TRIM49: variants seen among roughly 807,000 people sequenced by gnomAD.
TRIM49 encodes tripartite motif containing 49.
A neutral mutation model predicts 27.4 loss-of-function variants in TRIM49; 5 were observed. That is an observed-to-expected ratio of 0.18 (90% CI 0.10 to 0.38). TRIM49 has a LOEUF of 0.38. Among genes scored for constraint, TRIM49 ranks in the 10% least tolerant of loss-of-function variants. The probability of loss-of-function intolerance (pLI) is 1.00; values close to 1 mark genes in which losing one functional copy is unlikely to be tolerated. For synonymous variants in TRIM49, 69 were observed against 166.0 expected, an observed-to-expected ratio of 0.42 and a Z score of 4.49; for missense variants, 188 against 487.5, an observed-to-expected ratio of 0.39 and a Z score of 5.79.
chr11:89,803,090 TCTC>T (rs1256491414), intron 4 of TRIM49, among the ~76,000 whole-genome samples: 3 of 149,968 alleles, frequency 2.0e-5, no homozygotes, highest in Non-Finnish European at 4.4e-5. Flanking sequence ...TCCTCAGAGT[TCTC>T]CTTATGTTTA....
At chr11:89,773,005 A>C in the TRIM49 span, among the ~76,000 whole-genome samples, 3 of 135,984 alleles carry the variant, frequency 2.2e-5, 1 homozygote, top group African/African-American at 1.0e-4. Context: ...AGCCTGGCCA[A>C]CTCAGTGAAA....
the TRIM49 span, among the ~76,000 whole-genome samples, chr11:89,785,717 A>T: frequency 6.9e-6 from 1 of 144,914 alleles, no homozygotes; most frequent in Non-Finnish European, 1.5e-5. Context: ...AAAAAGAGTA[A>T]AGTTGAAAAT....
At chr11:89,806,536 T>C (rs1198948922) in intron 2 of TRIM49, among the ~76,000 whole-genome samples, 2 of 150,328 alleles carry the variant, frequency 1.3e-5, no homozygotes, top group Admixed American at 1.3e-4. Context: ...TTTAATAAGA[T>C]TGAGACTCAA....
chr11:89,770,669 C>T, the TRIM49 span, among the ~76,000 whole-genome samples: 1 of 140,362 alleles, frequency 7.1e-6, no homozygotes, highest in Non-Finnish European at 1.5e-5. Context: ...ACCATCCTGG[C>T]TAACACGGTG....
At chr11:89,800,841 C>T (rs1450719690) in intron 6 of TRIM49, 125 bp downstream of exon 6, 14 of 588,040 alleles carry the variant, frequency 2.4e-5, no homozygotes, top group Non-Finnish European at 3.6e-5. Context: ...GGTGTGGGAA[C>T]GAAAGTAGAT....
chr11:89,793,656 A>G (rs900096829), downstream of TRIM49, among the ~76,000 whole-genome samples: 2 of 152,024 alleles, frequency 1.3e-5, no homozygotes, highest in Non-Finnish European at 2.9e-5. Context: ...CAATAGATGC[A>G]GAAAAGGCCT....
At chr11:89,781,588 GA>G in the TRIM49 span, among the ~76,000 whole-genome samples, 308 of 141,746 alleles carry the variant, frequency 2.2e-3, 14 homozygotes, top group African/African-American at 8.0e-3. Context: ...TTCTATTGAA[GA>G]AAAAAATACA....
chr11:89,777,199 T>G, the TRIM49 span: 383,555 of 1,494,414 alleles, frequency 0.26, 16,399 homozygotes, highest in East Asian at 0.48. Flanking sequence ...CAAAAAGCTG[T>G]CTTCCCTAGC....
chr11:89,777,933 G>C, the TRIM49 span: 1 of 664,342 alleles, frequency 1.5e-6, no homozygotes, highest in Non-Finnish European at 2.5e-6. Context: ...AACTTATAAA[G>C]GAAATGGACT....
the TRIM49 span, chr11:89,782,071 C>G: frequency 4.3e-5 from 67 of 1,547,222 alleles, no homozygotes; most frequent in South Asian, 7.7e-4. Flanking sequence ...ATGTGACCCT[C>G]TCCTCCAACT....
At chr11:89,777,705 T>C in the TRIM49 span, among the ~76,000 whole-genome samples, 3 of 150,764 alleles carry the variant, frequency 2.0e-5, no homozygotes, top group Admixed American at 6.6e-5. Flanking sequence ...AGAAAATTGA[T>C]GATATTATCT....
chr11:89,771,524 C>T, the TRIM49 span, among the ~76,000 whole-genome samples: 1 of 103,622 alleles, frequency 9.7e-6, no homozygotes, highest in African/African-American at 4.5e-5. Context: ...CACACAGAGC[C>T]AATTTCTTTC....
chr11:89,803,136 A>T (rs1391841024), intron 4 of TRIM49, among the ~76,000 whole-genome samples: 1 of 147,928 alleles, frequency 6.8e-6, no homozygotes, highest in African/African-American at 2.5e-5. Context: ...GCATGTTTAC[A>T]TGTCTCCCTC....
the TRIM49 span, among the ~76,000 whole-genome samples, chr11:89,777,617 T>G: frequency 2.7e-3 from 409 of 149,344 alleles, 3 homozygotes; most frequent in Non-Finnish European, 4.8e-3. Flanking sequence ...TGTTCAAACA[T>G]ATAGAATGGA....
rs553399063 is a variant in TRIM49 at position 89,798,271 on chromosome 11, G to A, written c.1218C>T (p.Thr406=). ...PLMLQYIPKP[T]SRVGLFLDCE... is the part of the protein sequence containing the mutation. Reference sequence around the variant, plus strand: ...AATCCAGGAATAATCCTACTCGGCTGGTAGGTTTTGGGATATATTGCAGCA... The same window carrying A: ...AATCCAGGAATAATCCTACTCGGCTAGTAGGTTTTGGGATATATTGCAGCA... The change falls in exon 8 of 8, where the codon ACC becomes ACT. Residue 406 remains threonine (T), a synonymous_variant. Coordinates refer to ENST00000329758, the MANE Select transcript of TRIM49 (RefSeq NM_020358.2). 9.5e-5 allele frequency: 150 copies of A among 1,577,536 alleles called. 9 individuals are homozygous for A. In the South Asian group the frequency reaches 1.6e-3, roughly 17 times the overall value.
the TRIM49 span, among the ~76,000 whole-genome samples, chr11:89,782,939 G>C: frequency 8.4e-6 from 1 of 119,044 alleles, no homozygotes; most frequent in East Asian, 2.8e-4. Context: ...TTGTATATTT[G>C]AACCAGGCTG....
chr11:89,785,050 C>A, the TRIM49 span, among the ~76,000 whole-genome samples: 1 of 149,602 alleles, frequency 6.7e-6, no homozygotes, highest in Non-Finnish European at 1.5e-5. Context: ...AAATCTTGAA[C>A]TTTCTGAGGT....
chr11:89,793,618 A>G (rs1206755434), downstream of TRIM49, among the ~76,000 whole-genome samples: 3 of 151,980 alleles, frequency 2.0e-5, no homozygotes, highest in Non-Finnish European at 2.9e-5. Flanking sequence ...CATAAACAGA[A>G]CCAAAGACAA....
At chr11:89,768,372 A>G in the TRIM49 span, 1 of 991,542 alleles carries the variant, frequency 1.0e-6, no homozygotes, top group South Asian at 1.4e-5. Flanking sequence ...CATTCAAACC[A>G]CTTCTGATAT....
Sources: gnomAD v4.1 joint callset for allele counts (sites outside exome capture counted in the v4.1 genomes callset) on GRCh38, gnomAD v4.1.1 for gene constraint, MANE v1.5 for transcripts, NCBI Gene and HGNC (gene_info 2026-07-23, HGNC 2026-07-21) for gene names.